MDGA2: variants seen among roughly 807,000 people sequenced by gnomAD.
MDGA2 encodes the protein MAM domain containing glycosylphosphatidylinositol anchor 2.
MDGA2 carries 40 observed loss-of-function variants against 117.8 expected under a neutral mutation model. The ratio of observed to expected loss-of-function variants is 0.34; its 90% CI spans 0.26 to 0.44. MDGA2 has a LOEUF of 0.44. Among genes scored for constraint, MDGA2 ranks in the 20% least tolerant of loss-of-function variants. The pLI is 1.00. For missense variants in MDGA2, 1,123 were observed against 1,250.6 expected (o/e 0.90, Z 1.54); for synonymous variants, 452 against 439.0 (o/e 1.03, Z -0.37).
Position 46,955,699 on chromosome 14 carries a change from C to T in MDGA2, c.2089+1675G>A, listed in dbSNP as rs568521189. ...TCCTGTGAGCTAATACAGGTATAGA[C>T]GTCATTGCATTTTAGTTCAATTCCG... On this transcript the variant is annotated intron_variant, in intron 9 of 16. Coordinates refer to ENST00000399232, the MANE Select transcript of MDGA2 (RefSeq NM_001113498.3). 1.8e-4 allele frequency among the ~76,000 whole-genome samples: 28 copies of T among 152,054 alleles called. No homozygotes were observed. The South Asian group carries it at 3.9e-3, about 21-fold the overall frequency.
At chr14:47,238,708 C>T (rs911186706) in intron 2 of MDGA2, among the ~76,000 whole-genome samples, 8 of 151,462 alleles carry the variant, frequency 5.3e-5, no homozygotes, top group African/African-American at 1.9e-4. Flanking sequence ...GACTTTAAAG[C>T]TTAGCAGTGT....
chr14:47,665,391 C>A (rs1431066614), intron 1 of MDGA2, among the ~76,000 whole-genome samples: 1 of 152,194 alleles, frequency 6.6e-6, no homozygotes, highest in African/African-American at 2.4e-5. Flanking sequence ...TGCTGGCAGC[C>A]CTCACAACCC....
intron 14 of MDGA2, among the ~76,000 whole-genome samples, chr14:46,867,176 ATG>A (rs1465987803): frequency 1.7e-4 from 26 of 152,352 alleles, no homozygotes; most frequent in African/African-American, 5.8e-4. Context: ...GATTAAGAAA[ATG>A]TGGCACACAT....
At chr14:47,255,036 G>A (rs1375030630) in intron 2 of MDGA2, among the ~76,000 whole-genome samples, 1 of 152,130 alleles carries the variant, frequency 6.6e-6, no homozygotes, top group African/African-American at 2.4e-5. Context: ...CTCCCATCGG[G>A]TTCCCTCCCA....
chr14:47,002,565 T>A (rs139468995), intron 8 of MDGA2, among the ~76,000 whole-genome samples: 2 of 151,930 alleles, frequency 1.3e-5, no homozygotes, highest in East Asian at 3.9e-4. Context: ...CTGTCTCTAA[T>A]AAACAGAAAA....
At chr14:47,143,558 G>A (rs769770284) in intron 4 of MDGA2, among the ~76,000 whole-genome samples, 12 of 151,866 alleles carry the variant, frequency 7.9e-5, no homozygotes, top group South Asian at 2.1e-4. Flanking sequence ...TTAATGACTC[G>A]TTAAATATTT....
intron 3 of MDGA2, among the ~76,000 whole-genome samples, chr14:47,212,414 C>A (rs561387001): frequency 1.3e-5 from 2 of 152,116 alleles, no homozygotes. Context: ...CACATCTGTA[C>A]TTTATTAATT....
intron 3 of MDGA2, among the ~76,000 whole-genome samples, chr14:47,213,354 G>C (rs530391508): frequency 6.6e-6 from 1 of 152,008 alleles, no homozygotes; most frequent in Admixed American, 6.6e-5. Flanking sequence ...AATAAAAACT[G>C]TTTGGACATT....
chr14:47,227,098 TGTGTATATGTTGTAGGA>T (rs1389776833), intron 2 of MDGA2, among the ~76,000 whole-genome samples: 2 of 152,170 alleles, frequency 1.3e-5, no homozygotes, highest in African/African-American at 4.8e-5. Context: ...AGAAATCAGC[TGTGTATATGTTGTAGGA>T]GATAATAGGT....
At chr14:47,351,898 AT>A (rs1890890473) in intron 1 of MDGA2, among the ~76,000 whole-genome samples, 1 of 90,386 alleles carries the variant, frequency 1.1e-5, no homozygotes, top group Non-Finnish European at 2.2e-5. Flanking sequence ...TGCTCTCTAA[AT>A]TAAACACACA....
intron 1 of MDGA2, among the ~76,000 whole-genome samples, chr14:47,433,896 T>C (rs776725002): frequency 1.1e-4 from 17 of 152,148 alleles, no homozygotes; most frequent in Non-Finnish European, 2.4e-4. Context: ...GAAACAATTA[T>C]CAGTCATTGT....
chr14:46,948,488 A>C (rs150994177), intron 9 of MDGA2, among the ~76,000 whole-genome samples: 1 of 151,942 alleles, frequency 6.6e-6, no homozygotes, highest in Non-Finnish European at 1.5e-5. Context: ...CAGTTCTCTC[A>C]GTTTGAAATA....
intron 7 of MDGA2, among the ~76,000 whole-genome samples, chr14:47,052,348 C>T (rs1173044174): frequency 1.3e-5 from 2 of 151,654 alleles, no homozygotes; most frequent in Non-Finnish European, 2.9e-5. Context: ...GAAGAAAGTC[C>T]CAAACACATG....
intron 8 of MDGA2, among the ~76,000 whole-genome samples, chr14:46,958,891 G>A (rs1885670435): frequency 6.6e-6 from 1 of 152,140 alleles, no homozygotes; most frequent in African/African-American, 2.4e-5. Flanking sequence ...TGTTCTGGGT[G>A]TGCCCACTAA....
At chr14:47,312,729 C>T (rs72683836) in intron 1 of MDGA2, among the ~76,000 whole-genome samples, 12,771 of 110,356 alleles carry the variant, frequency 0.12, 783 homozygotes, top group Middle Eastern at 0.14. Flanking sequence ...AGGGTATTTC[C>T]ATGCTGCCCA....
intron 1 of MDGA2, among the ~76,000 whole-genome samples, chr14:47,498,920 C>T (rs1261079746): frequency 6.6e-6 from 1 of 152,030 alleles, no homozygotes; most frequent in African/African-American, 2.4e-5. Context: ...TCTGACATCA[C>T]CATTTATAAT....
At chr14:47,603,989 C>T (rs1466049184) in intron 1 of MDGA2, among the ~76,000 whole-genome samples, 1 of 152,178 alleles carries the variant, frequency 6.6e-6, no homozygotes, top group Non-Finnish European at 1.5e-5. Context: ...TTCCTTGAGG[C>T]TTCCCCAGAA....
chr14:47,625,489 G>A (rs1897124588), intron 1 of MDGA2, among the ~76,000 whole-genome samples: 1 of 152,112 alleles, frequency 6.6e-6, no homozygotes, highest in Non-Finnish European at 1.5e-5. Context: ...ATTCATATTT[G>A]TATTTTCAGT....
chr14:47,530,753 C>G (rs1406008630), intron 1 of MDGA2, among the ~76,000 whole-genome samples: 5 of 152,158 alleles, frequency 3.3e-5, no homozygotes, highest in Admixed American at 6.5e-5. Flanking sequence ...TTGCAGGCTG[C>G]TGGCTAGATC....
Sources: gnomAD v4.1 joint callset for allele counts (sites outside exome capture counted in the v4.1 genomes callset) on GRCh38, gnomAD v4.1.1 for gene constraint, MANE v1.5 for transcripts, NCBI Gene and HGNC (gene_info 2026-07-23, HGNC 2026-07-21) for gene names.